Variants in RIN2 observed in about 807,000 individuals in gnomAD.
RIN2 encodes RAB5 interacting protein 2.
Under a neutral mutation model 78.0 loss-of-function variants are expected in RIN2, and 36 were observed. The ratio of observed to expected loss-of-function variants is 0.46; its 90% CI spans 0.35 to 0.61. RIN2 has a LOEUF of 0.61. Among genes scored for constraint, RIN2 ranks in the 20% least tolerant of loss-of-function variants. RIN2 has a pLI of 0.00. For missense variants in RIN2, 1,087 were observed against 1,159.7 expected (o/e 0.94, Z 0.91); for synonymous variants, 466 against 466.8 (o/e 1.00, Z 0.02).
At chr20:19,957,606 A>G (rs986334093) in intron 5 of RIN2, among the ~76,000 whole-genome samples, 10 of 152,086 alleles carry the variant, frequency 6.6e-5, no homozygotes, top group African/African-American at 2.4e-4. Flanking sequence ...GAACACAGGA[A>G]GTGGAGGTTG....
intron 3 of RIN2, among the ~76,000 whole-genome samples, chr20:19,911,910 G>A (rs114576352): frequency 0.024 from 3,677 of 152,252 alleles, 138 homozygotes; most frequent in African/African-American, 0.082. Context: ...TCGCGTGGGT[G>A]AGCCCAGCGT....
chr20:19,793,173 T>G (rs915831086), intron 1 of RIN2, among the ~76,000 whole-genome samples: 4 of 152,260 alleles, frequency 2.6e-5, no homozygotes, highest in Admixed American at 2.6e-4. Flanking sequence ...TCAAAAGCAA[T>G]AGGTAAAATT....
Position 19,940,592 on chromosome 20 carries a change from A to C in RIN2, c.158+5393A>C, listed in dbSNP as rs115747752. 8.3e-3 allele frequency among the ~76,000 whole-genome samples: 1,259 copies of C among 152,262 alleles called. 35 individuals carry two copies. The East Asian group carries it at 0.11, about 13-fold the overall frequency. ...TGGAAGCCCGTAAGCCAGGGGCGAGACTGAGGGCTTCTTGCTCCTGGTTTT... is the reference window on the plus strand; with the variant it reads ...TGGAAGCCCGTAAGCCAGGGGCGAGCCTGAGGGCTTCTTGCTCCTGGTTTT... On this transcript the variant is annotated intron_variant, in intron 4 of 12. Coordinates refer to ENST00000255006, the MANE Select transcript of RIN2 (RefSeq NM_018993.4).
chr20:19,976,613 A>C (rs1160472223), intron 9 of RIN2, among the ~76,000 whole-genome samples: 1 of 152,192 alleles, frequency 6.6e-6, no homozygotes, highest in African/African-American at 2.4e-5. Flanking sequence ...TTCCAGGGTG[A>C]GAATGTTGAA....
rs372144306 is a variant in RIN2 at position 19,996,672 on chromosome 20, T to G, written c.2201-7T>G. ...CTGGGAGGACCCACTCTTTCTGCTCTTTTCAGGAGGCTATTACTTGACAAG... is the reference window on the plus strand; with the variant it reads ...CTGGGAGGACCCACTCTTTCTGCTCGTTTCAGGAGGCTATTACTTGACAAG... On this transcript the variant is annotated splice_polypyrimidine_tract_variant and splice_region_variant and intron_variant, in intron 11 of 12. Coordinates refer to ENST00000255006, the MANE Select transcript of RIN2 (RefSeq NM_018993.4). 2.5e-6 allele frequency: 4 copies of G among 1,613,924 alleles called. No homozygotes were observed. The African/African-American group carries it at 5.3e-5, about 22-fold the overall frequency.
At chr20:19,928,202 C>T (rs188533201) in intron 3 of RIN2, among the ~76,000 whole-genome samples, 1 of 152,350 alleles carries the variant, frequency 6.6e-6, no homozygotes, top group Non-Finnish European at 1.5e-5. Context: ...TGTGCCCGAC[C>T]TGTTGCAGTG....
chr20:19,899,789 C>T (rs2038899578), intron 3 of RIN2, among the ~76,000 whole-genome samples: 1 of 152,188 alleles, frequency 6.6e-6, no homozygotes, highest in South Asian at 2.1e-4. Context: ...CTTTTTATAA[C>T]CTACTCTTGA....
intron 2 of RIN2, among the ~76,000 whole-genome samples, chr20:19,844,660 CTTCTTCTTCCTT>C (rs1568807563): frequency 2.2e-5 from 3 of 136,778 alleles, no homozygotes; most frequent in African/African-American, 5.9e-5. Flanking sequence ...TCTTCTTCTT[CTTCTTCTTCCTT>C]CTTCTTCTTC....
intron 3 of RIN2, among the ~76,000 whole-genome samples, chr20:19,911,493 A>G (rs1023935505): frequency 6.6e-6 from 1 of 152,228 alleles, no homozygotes; most frequent in African/African-American, 2.4e-5. Context: ...CTCCTTGTGT[A>G]TTTCTGAGGA....
At chr20:19,859,259 C>T (rs1056516463) in intron 2 of RIN2, among the ~76,000 whole-genome samples, 7 of 152,196 alleles carry the variant, frequency 4.6e-5, no homozygotes, top group African/African-American at 1.4e-4. Context: ...CGCCCCTGGG[C>T]GTCCACCCTC....
At position 19,844,598 on chromosome 20, in the gene RIN2, TTCC is replaced by T. The variant is rs1195706808; in HGVS notation, c.-37+44854_-37+44856del. 8.7e-3 allele frequency among the ~76,000 whole-genome samples: 562 copies of T among 64,254 alleles called. 7 individuals carry two copies. The highest frequency in any genetic ancestry group is 0.022 in the African/African-American group (418 of 19,308). 42.2% of individuals were successfully genotyped at this position (64,254 alleles called of 152,430 possible). ...GAGCTGCTGCTGCTGCTGCTGCTTC[TTCC>T]TCTTCTTCTTCTTCTTCTTCTTCTT... On this transcript the variant is annotated intron_variant, in intron 2 of 12. Coordinates refer to ENST00000255006, the MANE Select transcript of RIN2 (RefSeq NM_018993.4).
chr20:19,940,250 T>TA (rs1211997315), intron 4 of RIN2, among the ~76,000 whole-genome samples: 6 of 152,156 alleles, frequency 3.9e-5, no homozygotes, highest in Non-Finnish European at 4.4e-5. Flanking sequence ...CCAGGGACAG[T>TA]ATCTGGCATA....
chr20:19,991,817 A>T (rs1601073822), intron 10 of RIN2, among the ~76,000 whole-genome samples: 1 of 152,252 alleles, frequency 6.6e-6, no homozygotes, highest in South Asian at 2.1e-4. Flanking sequence ...GAATTAGCAT[A>T]AGTAAATATT....
chr20:19,878,990 G>A (rs1018739427), intron 2 of RIN2, among the ~76,000 whole-genome samples: 4 of 152,336 alleles, frequency 2.6e-5, no homozygotes, highest in South Asian at 2.1e-4. Flanking sequence ...TGAACAAGAG[G>A]ATGGGGTGAG....
At chr20:19,799,202 T>C (rs1192145509) in intron 1 of RIN2, among the ~76,000 whole-genome samples, 1 of 152,112 alleles carries the variant, frequency 6.6e-6, no homozygotes, top group Non-Finnish European at 1.5e-5. Context: ...TGCCTGGAGA[T>C]ATAGGAATTT....
intron 3 of RIN2, among the ~76,000 whole-genome samples, chr20:19,931,052 C>T (rs1849210053): frequency 6.6e-6 from 1 of 151,972 alleles, no homozygotes; most frequent in African/African-American, 2.4e-5. Flanking sequence ...AGTTCAAGAC[C>T]AGCCTGCACA....
intron 2 of RIN2, among the ~76,000 whole-genome samples, chr20:19,803,998 T>C (rs1028621386): frequency 1.1e-4 from 16 of 152,194 alleles, no homozygotes; most frequent in African/African-American, 3.4e-4. Flanking sequence ...GCTCTCTGCT[T>C]GTCTATTGTT....
chr20:19,957,746 G>C (rs34556773), intron 5 of RIN2, among the ~76,000 whole-genome samples: 35,797 of 152,042 alleles, frequency 0.24, 4,453 homozygotes, highest in East Asian at 0.47. Flanking sequence ...CCATGTGGCT[G>C]TTTAAATTTA....
intron 1 of RIN2, among the ~76,000 whole-genome samples, chr20:19,788,715 A>G (rs1163889929): frequency 6.6e-6 from 1 of 152,192 alleles, no homozygotes; most frequent in Non-Finnish European, 1.5e-5. Flanking sequence ...AAACCTTAAC[A>G]ATAGATATGC....
Sources: gnomAD v4.1 joint callset for allele counts (sites outside exome capture counted in the v4.1 genomes callset) on GRCh38, gnomAD v4.1.1 for gene constraint, MANE v1.5 for transcripts, NCBI Gene and HGNC (gene_info 2026-07-23, HGNC 2026-07-21) for gene names.